GABRB2: variants seen among roughly 807,000 people sequenced by gnomAD.
GABRB2 encodes the protein gamma-aminobutyric acid receptor subunit beta-2.
In GABRB2, 16 loss-of-function variants were observed where a neutral mutation model predicts 54.7. The ratio of observed to expected loss-of-function variants is 0.29; its 90% confidence interval spans 0.20 to 0.44. The LOEUF is 0.44. GABRB2 is among the 20% of genes least tolerant of loss of function. GABRB2 has a pLI of 1.00. For missense variants in GABRB2, 355 were observed against 644.0 expected (o/e 0.55, Z 4.86); for synonymous variants, 244 against 233.8 (o/e 1.04, Z -0.40).
chr5:161,336,808 A>AT, intron 5 of GABRB2, 39 bp from the exon 6 acceptor site: 1 of 1,528,166 alleles, frequency 6.5e-7, no homozygotes, highest in African/African-American at 1.5e-5. Flanking sequence ...ACACAAATAC[A>AT]GAAAACAAAA....
intron 3 of GABRB2, among the ~76,000 whole-genome samples, chr5:161,539,501 A>G (rs1239889111): frequency 1.3e-5 from 2 of 152,236 alleles, no homozygotes; most frequent in African/African-American, 2.4e-5. Context: ...CAATAGAGCT[A>G]CTATAACTAG....
At chr5:161,547,952 T>C (rs1761041485), upstream of GABRB2, 2 of 152,150 alleles carry the variant, frequency 1.3e-5, no homozygotes, top group South Asian at 4.1e-4. Flanking sequence ...CGGCCCCTCG[T>C]CCGGGACAGG....
At chr5:161,315,535 CATT>C (rs1388114736) in intron 9 of GABRB2, among the ~76,000 whole-genome samples, 1 of 151,982 alleles carries the variant, frequency 6.6e-6, no homozygotes, top group Non-Finnish European at 1.5e-5. Flanking sequence ...TATCAGGACC[CATT>C]ATTATTATAA....
At chr5:161,423,073 A>G (rs1489662161) in intron 4 of GABRB2, among the ~76,000 whole-genome samples, 1 of 152,050 alleles carries the variant, frequency 6.6e-6, no homozygotes, top group Non-Finnish European at 1.5e-5. Flanking sequence ...TTTTTTCTAT[A>G]TTTAACAGTT....
intron 3 of GABRB2, among the ~76,000 whole-genome samples, chr5:161,513,060 A>C (rs1288839226): frequency 6.6e-6 from 1 of 151,686 alleles, no homozygotes; most frequent in African/African-American, 2.4e-5. Flanking sequence ...AAAAAAGAAA[A>C]AAAAAAACAA....
chr5:161,334,161 C>T (rs1336599014), intron 7 of GABRB2, among the ~76,000 whole-genome samples: 1 of 151,980 alleles, frequency 6.6e-6, no homozygotes. Flanking sequence ...GTGTAAAAGG[C>T]CATAAATTTA....
chr5:161,340,298 G>A (rs971587701), intron 5 of GABRB2, among the ~76,000 whole-genome samples: 1 of 151,976 alleles, frequency 6.6e-6, no homozygotes, highest in African/African-American at 2.4e-5. Flanking sequence ...TGTGAAGTAG[G>A]CACTCAGTAA....
intron 7 of GABRB2, among the ~76,000 whole-genome samples, chr5:161,332,807 T>G (rs1432725146): frequency 1.3e-5 from 2 of 152,150 alleles, no homozygotes; most frequent in African/African-American, 2.4e-5. Context: ...ATGTCATAGT[T>G]TCTATTTTGT....
intron 5 of GABRB2, among the ~76,000 whole-genome samples, chr5:161,347,009 A>G (rs1754337648): frequency 6.6e-6 from 1 of 152,112 alleles, no homozygotes; most frequent in Non-Finnish European, 1.5e-5. Flanking sequence ...TCGGAGGTGG[A>G]CAGCAGGCCT....
intron 4 of GABRB2, among the ~76,000 whole-genome samples, chr5:161,453,977 G>A (rs546500588): frequency 3.3e-5 from 5 of 151,044 alleles, no homozygotes; most frequent in African/African-American, 1.2e-4. Flanking sequence ...GGCAGAGGTT[G>A]CAGTGAGCCG....
chr5:161,459,601 A>T (rs1393951004), intron 4 of GABRB2, 23 bp downstream of exon 4: 1 of 1,588,260 alleles, frequency 6.3e-7, no homozygotes, highest in East Asian at 2.2e-5. Flanking sequence ...GAAAAGTTAT[A>T]TTTTGAATTG....
chr5:161,293,161 A>C lies in GABRB2; in HGVS notation c.*920T>G, dbSNP rs1757281891. ...CATGGTTATCTTCGATTAAACTATA[A>C]AAACCTCTTTAGGTATGCTGTCAAA... On this transcript the variant is annotated 3_prime_UTR_variant, in exon 10 of 10. Transcript: ENST00000393959. 1 of 152,186 alleles carries C rather than the reference A, an allele frequency of 6.6e-6. No homozygotes were observed. The highest frequency in any genetic ancestry group is 2.4e-5 in the African/African-American group (1 of 41,436). 9.4% of individuals were successfully genotyped at this position (152,186 alleles called of 1,614,324 possible). A position where few individuals can be genotyped will look rare whatever the true frequency, so the allele number is the denominator to read the frequency against.
chr5:161,423,059 G>A (rs1474093638), intron 4 of GABRB2, among the ~76,000 whole-genome samples: 2 of 152,032 alleles, frequency 1.3e-5, no homozygotes, highest in African/African-American at 4.8e-5. Context: ...TGATTACCAG[G>A]AAGTTTTTTC....
intron 5 of GABRB2, among the ~76,000 whole-genome samples, chr5:161,395,294 A>G (rs929464977): frequency 2.0e-5 from 3 of 152,136 alleles, no homozygotes; most frequent in African/African-American, 7.2e-5. Context: ...TTGAAGAGCT[A>G]GTGATGACCT....
chr5:161,528,372 T>C (rs1760349229), intron 3 of GABRB2, among the ~76,000 whole-genome samples: 1 of 151,774 alleles, frequency 6.6e-6, no homozygotes, highest in Non-Finnish European at 1.5e-5. Flanking sequence ...ACAAAAATGA[T>C]TCTGATAAAA....
intron 5 of GABRB2, among the ~76,000 whole-genome samples, chr5:161,378,559 C>T (rs1755375227): frequency 6.6e-6 from 1 of 152,040 alleles, no homozygotes. Context: ...ATCAACTGGT[C>T]ATTTCTGGGT....
chr5:161,315,600 T>C (rs1189556393), intron 9 of GABRB2, among the ~76,000 whole-genome samples: 1 of 152,198 alleles, frequency 6.6e-6, no homozygotes, highest in Non-Finnish European at 1.5e-5. Context: ...TTAGAAAATA[T>C]ATAATTTGCA....
intron 4 of GABRB2, among the ~76,000 whole-genome samples, chr5:161,425,936 G>T (rs897905088): frequency 6.6e-6 from 1 of 152,064 alleles, no homozygotes; most frequent in Non-Finnish European, 1.5e-5. Context: ...TCTTCATAAA[G>T]GGTAACTTGG....
intron 9 of GABRB2, among the ~76,000 whole-genome samples, chr5:161,321,472 T>C (rs253002): frequency 0.3 from 45,653 of 151,950 alleles, 7,480 homozygotes; most frequent in African/African-American, 0.42. Flanking sequence ...TAAATGCCAG[T>C]ACACTGGTCT....
Sources: gnomAD v4.1 joint callset for allele counts (sites outside exome capture counted in the v4.1 genomes callset) on GRCh38, gnomAD v4.1.1 for gene constraint, MANE v1.5 for transcripts, NCBI Gene and HGNC (gene_info 2026-07-23, HGNC 2026-07-21) for gene names.